Variants in TENM2 observed in about 807,000 individuals in gnomAD.
TENM2 encodes the protein teneurin transmembrane protein 2, also known as teneurin-2.
A neutral mutation model predicts 245.2 loss-of-function variants in TENM2; 52 were observed. The observed-to-expected ratio is 0.21, with a 90% CI of 0.17 to 0.27. TENM2 has a LOEUF of 0.27. TENM2 is among the 10% of genes least tolerant of loss of function. The probability of loss-of-function intolerance (pLI) is 1.00; values close to 1 mark genes in which losing one functional copy is unlikely to be tolerated. For synonymous variants in TENM2, 1,363 were observed against 1,438.9 expected (o/e 0.95, Z 1.19); for missense variants, 3,046 against 3,666.8 (o/e 0.83, Z 4.37).
intron 2 of TENM2, among the ~76,000 whole-genome samples, chr5:167,801,109 A>AAAAAAAATATATAT (rs1444227809): frequency 3.0e-5 from 2 of 66,556 alleles, no homozygotes; most frequent in Non-Finnish European, 5.3e-5. Context: ...AAAAAAAAAA[A>AAAAAAAATATATAT]ATATATATAT....
Position 168,112,615 on chromosome 5 carries a change from G to GGGA in TENM2, c.1814-5676_1814-5675insGAG, listed in dbSNP as rs201538328. Among the ~76,000 whole-genome samples the GGGA allele has an allele frequency of 9.7e-5, 11 of 112,930 alleles. No individual in the cohort carries two copies. In the East Asian group the frequency reaches 2.5e-3, roughly 26 times the overall value. 74.1% of individuals were successfully genotyped at this position (112,930 alleles called of 152,430 possible). A position where few individuals can be genotyped will look rare whatever the true frequency, so the allele number is the denominator to read the frequency against. ...TACAGTGTGCAGTGGGCGGGGGGGG[G>GGGA]GTCAAACTTTATTACTTTTCTACCA... is the stretch of plus-strand genomic sequence containing the variant. On this transcript the variant is annotated intron_variant, in intron 9 of 28. Coordinates refer to ENST00000518659, the Ensembl canonical transcript of TENM2.
intron 2 of TENM2, among the ~76,000 whole-genome samples, chr5:167,738,561 G>A (rs540180807): frequency 2.0e-5 from 3 of 152,180 alleles, no homozygotes; most frequent in South Asian, 4.1e-4. Flanking sequence ...TGAAATAATC[G>A]ATAAATATTT....
intron 13 of TENM2, among the ~76,000 whole-genome samples, chr5:168,173,980 C>T (rs1562245922): frequency 2.0e-5 from 3 of 152,152 alleles, no homozygotes; most frequent in Admixed American, 2.0e-4. Flanking sequence ...AAGCCTGGTA[C>T]CTTGCAGCCT....
At chr5:167,197,106 A>C in the TENM2 span, among the ~76,000 whole-genome samples, 31 of 152,176 alleles carry the variant, frequency 2.0e-4, no homozygotes, top group African/African-American at 6.7e-4. Context: ...TTCATTTTAT[A>C]CTGTTCTACT....
chr5:168,137,042 C>A (rs1412763825), intron 12 of TENM2, among the ~76,000 whole-genome samples: 1 of 152,182 alleles, frequency 6.6e-6, no homozygotes, highest in African/African-American at 2.4e-5. Flanking sequence ...TCCATTTAAT[C>A]ATGCATGAGA....
At chr5:168,214,445 C>A (rs761869892) in intron 20 of TENM2, among the ~76,000 whole-genome samples, 5 of 152,202 alleles carry the variant, frequency 3.3e-5, no homozygotes, top group African/African-American at 1.2e-4. Flanking sequence ...CAGCAAGATA[C>A]CCACATTTCT....
intron 2 of TENM2, among the ~76,000 whole-genome samples, chr5:167,678,070 A>G (rs1582727103): frequency 6.6e-6 from 1 of 152,072 alleles, no homozygotes. Flanking sequence ...AGAGTAGTCT[A>G]TGACTGTTTC....
intron 9 of TENM2, among the ~76,000 whole-genome samples, chr5:168,115,033 C>T (rs1165579237): frequency 6.6e-6 from 1 of 152,088 alleles, no homozygotes; most frequent in African/African-American, 2.4e-5. Context: ...GTGGCTCACA[C>T]CTGTAATCCC....
intron 2 of TENM2, among the ~76,000 whole-genome samples, chr5:167,691,548 C>A (rs972358210): frequency 2.6e-5 from 4 of 152,152 alleles, no homozygotes; most frequent in Non-Finnish European, 4.4e-5. Context: ...CCCTTATATC[C>A]CATTTCTCCA....
chr5:167,694,357 G>A (rs1236127053), intron 2 of TENM2, among the ~76,000 whole-genome samples: 1 of 152,132 alleles, frequency 6.6e-6, no homozygotes, highest in African/African-American at 2.4e-5. Flanking sequence ...AGCTTCCCAG[G>A]TGATTCTCAT....
At chr5:167,302,481 G>A (rs1283556509) in intron 1 of TENM2, among the ~76,000 whole-genome samples, 1 of 151,646 alleles carries the variant, frequency 6.6e-6, no homozygotes, top group East Asian at 2.0e-4. Context: ...GGTCAGGGTG[G>A]GGAAATAAGG....
At chr5:167,129,642 A>C in the TENM2 span, among the ~76,000 whole-genome samples, 1 of 152,278 alleles carries the variant, frequency 6.6e-6, no homozygotes, top group South Asian at 2.1e-4. Context: ...ATAAATTACT[A>C]TTGGCGTGAA....
chr5:167,046,102 C>G, the TENM2 span, among the ~76,000 whole-genome samples: 1 of 151,980 alleles, frequency 6.6e-6, no homozygotes, highest in Non-Finnish European at 1.5e-5. Flanking sequence ...TTCAAGTACA[C>G]AGAGCAAGAA....
At chr5:167,259,034 C>T in the TENM2 span, among the ~76,000 whole-genome samples, 1 of 152,162 alleles carries the variant, frequency 6.6e-6, no homozygotes, top group African/African-American at 2.4e-5. Context: ...TGCAGGGTCC[C>T]ACTCCCAGAG....
At chr5:167,425,471 C>A (rs1208358061) in intron 2 of TENM2, among the ~76,000 whole-genome samples, 1 of 152,134 alleles carries the variant, frequency 6.6e-6, no homozygotes, top group Non-Finnish European at 1.5e-5. Flanking sequence ...GTGCCAGGTA[C>A]TATCCAAATG....
intron 2 of TENM2, among the ~76,000 whole-genome samples, chr5:167,564,782 C>G (rs1288009367): frequency 6.6e-6 from 1 of 152,134 alleles, no homozygotes; most frequent in Non-Finnish European, 1.5e-5. Flanking sequence ...CCAGAAAAGG[C>G]TTTCTTTCAT....
intron 2 of TENM2, among the ~76,000 whole-genome samples, chr5:167,720,065 A>T (rs1298853740): frequency 6.6e-6 from 1 of 152,170 alleles, no homozygotes; most frequent in East Asian, 1.9e-4. Flanking sequence ...TAATAAACAG[A>T]TTTCTTTATT....
intron 2 of TENM2, among the ~76,000 whole-genome samples, chr5:167,495,521 C>T (rs1768756621): frequency 6.6e-6 from 1 of 152,034 alleles, no homozygotes; most frequent in South Asian, 2.1e-4. Context: ...TTTGCAAATT[C>T]TAGCAGATTT....
the TENM2 span, among the ~76,000 whole-genome samples, chr5:167,156,134 G>A: frequency 2.0e-3 from 307 of 152,290 alleles, 2 homozygotes; most frequent in African/African-American, 7.0e-3. Context: ...TTCTGGAGGG[G>A]ATGCCTACAG....
Sources: gnomAD v4.1 joint callset for allele counts (sites outside exome capture counted in the v4.1 genomes callset) on GRCh38, gnomAD v4.1.1 for gene constraint, MANE v1.5 for transcripts, NCBI Gene and HGNC (gene_info 2026-07-23, HGNC 2026-07-21) for gene names.